Variants in NEK6 observed in about 807,000 individuals in gnomAD.
The protein encoded by NEK6 is serine/threonine-protein kinase Nek6.
Under a neutral mutation model 43.5 loss-of-function variants are expected in NEK6, and 27 were observed. The observed-to-expected ratio is 0.62, with a 90% CI of 0.46 to 0.86. The LOEUF is 0.86. Among genes scored for constraint, NEK6 ranks in the 40% least tolerant of loss-of-function variants. The probability of loss-of-function intolerance (pLI) is 0.00; values close to 1 mark genes in which losing one functional copy is unlikely to be tolerated. For synonymous variants in NEK6, 167 were observed against 164.1 expected, an observed-to-expected ratio of 1.02 and a Z score of -0.14; for missense variants, 318 against 414.4, an observed-to-expected ratio of 0.77 and a Z score of 2.02.
chr9:124,334,948 G>A (rs1439452018), intron 7 of NEK6, among the ~76,000 whole-genome samples: 6 of 152,206 alleles, frequency 3.9e-5, no homozygotes, highest in Admixed American at 2.0e-4. Flanking sequence ...AGGGTGGGAA[G>A]AGCCTGTAGG....
rs1391355903 is a variant in NEK6 at position 124,275,284 on chromosome 9, T to C, written c.-30+17199T>C. 6.6e-6 allele frequency among the ~76,000 whole-genome samples: 1 copy of C among 152,228 alleles called. No individual in the cohort carries two copies. Among genetic ancestry groups the C allele is most frequent in the African/African-American group, 2.4e-5 (1 of 41,458 alleles). On this transcript the variant is annotated intron_variant, in intron 1 of 9. Coordinates refer to ENST00000320246, the MANE Select transcript of NEK6 (RefSeq NM_014397.6). This position sits in a 1 kb window ranked among gnomAD's most constrained non-coding sequence, Gnocchi z 4.4. Reference sequence around the variant, plus strand: ...ACTTATTTAAACCAGGGCCATTTCATCCACGTCACTAACTTGCCGGATGTC... The same window carrying C: ...ACTTATTTAAACCAGGGCCATTTCACCCACGTCACTAACTTGCCGGATGTC...
intron 2 of NEK6, among the ~76,000 whole-genome samples, chr9:124,305,489 G>A (rs574355899): frequency 3.6e-4 from 55 of 151,752 alleles, no homozygotes; most frequent in Non-Finnish European, 6.9e-4. Context: ...GGGAGGCAGA[G>A]GTTGCAGTGA....
chr9:124,338,519 C>T (rs1315635662), intron 7 of NEK6, among the ~76,000 whole-genome samples: 1 of 152,226 alleles, frequency 6.6e-6, no homozygotes, highest in East Asian at 1.9e-4. Flanking sequence ...TGTGACTTGC[C>T]TTTAACTCTG....
Position 124,350,853 on chromosome 9 carries a change from G to A in NEK6, c.848G>A (p.Ser283Asn). The change falls in exon 10 of 10, where the codon AGC becomes AAC. Residue 283 changes from serine to asparagine, a missense_variant. Physicochemically the swap from Ser to Asn is conservative, Grantham distance 46. Transcript: ENST00000320246. ...CCCCTGCAGTTACGAGAACTGGTCA[G>A]CATGTGCATCTGCCCTGACCCCCAC... Reference protein sequence around the residue: ...HYSEKLRELVSMCICPDPHQR... With the variant: ...HYSEKLRELVNMCICPDPHQR... 1 of 1,612,648 alleles carries A rather than the reference G, an allele frequency of 6.2e-7. No homozygotes were observed. Among genetic ancestry groups the A allele is most frequent in the South Asian group, 1.1e-5 (1 of 91,068 alleles).
intron 1 of NEK6, among the ~76,000 whole-genome samples, chr9:124,264,393 C>T (rs1564611554): frequency 6.6e-6 from 1 of 152,164 alleles, no homozygotes; most frequent in Non-Finnish European, 1.5e-5. Flanking sequence ...GGAAAACGGG[C>T]CAGTAACACC....
chr9:124,259,329 A>G (rs1216058334), intron 1 of NEK6: 1 of 152,146 alleles, frequency 6.6e-6, no homozygotes, highest in African/African-American at 2.4e-5. Flanking sequence ...ACGTGCAGGC[A>G]GGTCTTGGAG....
At chr9:124,335,575 G>T (rs1160077566) in intron 7 of NEK6, among the ~76,000 whole-genome samples, 2 of 152,254 alleles carry the variant, frequency 1.3e-5, no homozygotes, top group Non-Finnish European at 2.9e-5. Flanking sequence ...GTGTTCAGCT[G>T]CAAGGAAGAA....
At chr9:124,258,640 C>G (rs1830903822) in intron 1 of NEK6, among the ~76,000 whole-genome samples, 2 of 152,214 alleles carry the variant, frequency 1.3e-5, no homozygotes, top group South Asian at 4.1e-4. Context: ...TTGCGCCCAC[C>G]AGGCCTTTGC....
intron 1 of NEK6, chr9:124,262,952 A>G (rs978823775): frequency 1.3e-5 from 2 of 152,152 alleles, no homozygotes; most frequent in Non-Finnish European, 2.9e-5. Flanking sequence ...GGTCATGTTG[A>G]CCTGGGTGAA....
intron 1 of NEK6, among the ~76,000 whole-genome samples, chr9:124,298,867 G>A (rs1380208355): frequency 1.3e-5 from 2 of 152,236 alleles, no homozygotes; most frequent in Admixed American, 6.5e-5. Flanking sequence ...GCGTAGGGCA[G>A]GGCCCAGCAT....
At chr9:124,296,878 CAGAA>C (rs1832715707) in intron 1 of NEK6, among the ~76,000 whole-genome samples, 1 of 152,200 alleles carries the variant, frequency 6.6e-6, no homozygotes, top group Non-Finnish European at 1.5e-5. Flanking sequence ...CAGCCTTGGT[CAGAA>C]AGGCCACTTG....
intron 1 of NEK6, among the ~76,000 whole-genome samples, chr9:124,272,832 A>T (rs1221246277): frequency 6.6e-6 from 1 of 152,220 alleles, no homozygotes; most frequent in African/African-American, 2.4e-5. Context: ...TCATTTGCTG[A>T]GGAGCACAGT....
chr9:124,309,530 C>T (rs1833429042), intron 2 of NEK6, among the ~76,000 whole-genome samples: 1 of 152,206 alleles, frequency 6.6e-6, no homozygotes, highest in Non-Finnish European at 1.5e-5. Flanking sequence ...GAGCCCACCC[C>T]CATCACCAGC....
At chr9:124,347,685 C>T (rs1159049750) in intron 8 of NEK6, 24 bp from the exon 9 acceptor site, 1 of 1,479,130 alleles carries the variant, frequency 6.8e-7, no homozygotes, top group Non-Finnish European at 9.3e-7. Context: ...GAAAGCTTAT[C>T]TTCGTTGTTC....
At chr9:124,287,251 G>A (rs927707509) in intron 1 of NEK6, among the ~76,000 whole-genome samples, 5 of 152,106 alleles carry the variant, frequency 3.3e-5, no homozygotes, top group African/African-American at 1.2e-4. Context: ...CTTTGTGTAG[G>A]CTCACTTTCA....
chr9:124,321,317 C>T (rs1222822942), intron 4 of NEK6, 142 bp from the exon 5 acceptor site: 2 of 607,612 alleles, frequency 3.3e-6, no homozygotes, highest in Non-Finnish European at 3.0e-6. Flanking sequence ...CCAGCACAGG[C>T]CTTTCTTTCC....
At chr9:124,322,005 A>T (rs868675462) in intron 5 of NEK6, among the ~76,000 whole-genome samples, 1 of 152,240 alleles carries the variant, frequency 6.6e-6, no homozygotes, top group South Asian at 2.1e-4. Context: ...GTCAGACCCC[A>T]GCTCTTGGGA....
Position 124,352,426 on chromosome 9 carries a change from T to TCA in NEK6, c.*1480_*1481dup, listed in dbSNP as rs1205769265. ...AGGGTGACTGGGAGTTACTTAGAAT[T>TCA]CATGAAGATTTTAAAATGGCTTTGG... On this transcript the variant is annotated 3_prime_UTR_variant, in exon 10 of 10. Transcript: ENST00000320246. 2 of 152,234 alleles carry TCA rather than the reference T, an allele frequency of 1.3e-5. No individual in the cohort carries two copies. The highest frequency in any genetic ancestry group is 4.8e-5 in the African/African-American group (2 of 41,470). The allele number at this position is 152,234 out of a possible 1,614,324, so 9.4% of individuals were successfully genotyped here.
Position 124,324,980 on chromosome 9 carries a change from G to C in NEK6, c.406-1350G>C. On this transcript the variant is annotated intron_variant, in intron 5 of 9. Transcript: ENST00000320246. The surrounding 1 kb of genome is among the most constrained non-coding windows in gnomAD (Gnocchi z 5.3). ...ACCTGAGGTGAGGAGTTCGAGACCAGCCTGGCTAACGTGGTGAAACCCCAT... is the reference window on the plus strand; with the variant it reads ...ACCTGAGGTGAGGAGTTCGAGACCACCCTGGCTAACGTGGTGAAACCCCAT... 6.6e-6 allele frequency among the ~76,000 whole-genome samples: 1 copy of C among 152,154 alleles called. No homozygotes were observed. The highest frequency in any genetic ancestry group is 1.9e-4 in the East Asian group (1 of 5,184).
Sources: gnomAD v4.1 joint callset for allele counts (sites outside exome capture counted in the v4.1 genomes callset) on GRCh38, gnomAD v4.1.1 for gene constraint, Gnocchi (gnomAD v3.1) non-coding constraint, MANE v1.5 for transcripts, NCBI Gene and HGNC (gene_info 2026-07-23, HGNC 2026-07-21) for gene names.